Variants in SLC14A2 observed in about 807,000 individuals in gnomAD.
SLC14A2 encodes the protein solute carrier family 14 member 2.
SLC14A2 carries 91 observed loss-of-function variants against 104.6 expected under a neutral mutation model. The observed-to-expected ratio is 0.87, with a 90% CI of 0.73 to 1.04. The LOEUF is 1.04. Among genes scored for constraint, SLC14A2 ranks in the 50% least tolerant of loss-of-function variants. The pLI is 0.00. For synonymous variants in SLC14A2, 476 were observed against 466.4 expected (o/e 1.02, Z -0.27); for missense variants, 1,189 against 1,156.0 (o/e 1.03, Z -0.41).
chr18:45,459,281 C>T (rs1185317418), intron 1 of SLC14A2, among the ~76,000 whole-genome samples: 2 of 152,164 alleles, frequency 1.3e-5, no homozygotes, highest in Non-Finnish European at 2.9e-5. Flanking sequence ...AGCAAGAGTG[C>T]CCCGGCAACT....
At chr18:45,291,269 T>G (rs922902228) in intron 1 of SLC14A2, among the ~76,000 whole-genome samples, 1 of 152,098 alleles carries the variant, frequency 6.6e-6, no homozygotes, top group Admixed American at 6.5e-5. Flanking sequence ...ATTGGGAGAC[T>G]ACTTCTCAGA....
At chr18:45,533,284 T>C (rs1340001841) in intron 2 of SLC14A2, among the ~76,000 whole-genome samples, 1 of 152,242 alleles carries the variant, frequency 6.6e-6, no homozygotes, top group Non-Finnish European at 1.5e-5. Context: ...TACCAGCTCC[T>C]CCTTGTACCT....
chr18:45,184,514 T>A, the SLC14A2 span, among the ~76,000 whole-genome samples: 5 of 152,210 alleles, frequency 3.3e-5, no homozygotes, highest in African/African-American at 9.6e-5. Context: ...TAAAGTTAGA[T>A]CCTTGTCTCA....
the SLC14A2 span, among the ~76,000 whole-genome samples, chr18:45,192,661 T>TGTTTTGTTTTGTTTC: frequency 4.6e-5 from 7 of 151,470 alleles, no homozygotes; most frequent in Non-Finnish European, 1.0e-4. Context: ...TGTTTTGTTT[T>TGTTTTGTTTTGTTTC]GTTTTGTTTT....
At position 45,500,590 on chromosome 18, in the gene SLC14A2, A is replaced by AG. The variant is rs1307803548; in HGVS notation, c.-35+17268_-35+17269insG. Among the ~76,000 whole-genome samples, 8 of 144,754 alleles carry AG rather than the reference A, an allele frequency of 5.5e-5. No individual in the cohort carries two copies. In the East Asian group the frequency reaches 5.9e-4, roughly 11 times the overall value. The allele number at this position is 144,754 out of a possible 152,430, so 95.0% of individuals were successfully genotyped here. A position where few individuals can be genotyped will look rare whatever the true frequency, so the allele number is the denominator to read the frequency against. On this transcript the variant is annotated intron_variant, in intron 2 of 20. Coordinates refer to the SLC14A2 transcript ENST00000586448. ...AGACTCCGTCTCAAAAAAAAAAAAA[A>AG]AAAAAAGAAATCCTGCCCTTATCCT...
intron 1 of SLC14A2, among the ~76,000 whole-genome samples, chr18:45,281,025 C>A (rs932207285): frequency 2.0e-5 from 3 of 152,134 alleles, no homozygotes; most frequent in East Asian, 1.9e-4. Flanking sequence ...ACCAAGCAGC[C>A]CCTCTTTGGC....
At position 45,666,935 on chromosome 18, in the gene SLC14A2, G is replaced by T; in HGVS notation, c.1558G>T (p.Asp520Tyr). 5.0e-6 allele frequency: 8 copies of T among 1,613,786 alleles called. No individual in the cohort carries two copies. The highest frequency in any genetic ancestry group is 6.8e-6 in the Non-Finnish European group (8 of 1,179,750). The change falls in exon 13 of 20, where the codon GAT becomes TAT. Residue 520 changes from aspartate (D) to tyrosine (Y), a missense_variant and splice_region_variant. Physicochemically the swap from Asp to Tyr is radical, Grantham distance 160. Coordinates refer to ENST00000255226, the MANE Select transcript of SLC14A2 (RefSeq NM_007163.4). ...TCTTGCCTATCTCTGTCCTGGACAGGATCTGGACACCATGGAGGAGAGCTC... is the reference window on the plus strand; with the variant it reads ...TCTTGCCTATCTCTGTCCTGGACAGTATCTGGACACCATGGAGGAGAGCTC... ...RYRKPTVELL[D>Y]LDTMEESSEI...
chr18:45,174,822 C>G, the SLC14A2 span, among the ~76,000 whole-genome samples: 2 of 151,994 alleles, frequency 1.3e-5, no homozygotes, highest in African/African-American at 2.4e-5. Flanking sequence ...TGCATATGAA[C>G]AGAGAGCTAA....
chr18:45,678,870 A>C, intron 18 of SLC14A2, 105 bp from the exon 19 acceptor site: 1 of 1,038,556 alleles, frequency 9.6e-7, no homozygotes, highest in Non-Finnish European at 1.4e-6. Flanking sequence ...TCTTAGAGAT[A>C]GCATTTGTGG....
At chr18:45,457,294 C>T (rs2086960926) in intron 1 of SLC14A2, among the ~76,000 whole-genome samples, 1 of 152,084 alleles carries the variant, frequency 6.6e-6, no homozygotes, top group Non-Finnish European at 1.5e-5. Flanking sequence ...ACAATGGTTC[C>T]TGAAAGCCCC....
At chr18:45,468,886 C>T (rs542879975) in intron 1 of SLC14A2, among the ~76,000 whole-genome samples, 1 of 152,290 alleles carries the variant, frequency 6.6e-6, no homozygotes, top group Non-Finnish European at 1.5e-5. Flanking sequence ...AGAAGAAGCA[C>T]AAGACATAAT....
At chr18:45,384,778 T>C (rs977600914) in intron 1 of SLC14A2, among the ~76,000 whole-genome samples, 1 of 152,176 alleles carries the variant, frequency 6.6e-6, no homozygotes, top group Non-Finnish European at 1.5e-5. Context: ...CAGGAGGGTA[T>C]GTGTATGTGT....
chr18:45,655,490 T>G (rs1350173120), intron 10 of SLC14A2, among the ~76,000 whole-genome samples: 1 of 152,218 alleles, frequency 6.6e-6, no homozygotes, highest in Non-Finnish European at 1.5e-5. Flanking sequence ...TGTGGCTACA[T>G]TTACTCTAAA....
chr18:45,192,630 G>GGTTT, the SLC14A2 span, among the ~76,000 whole-genome samples: 4 of 128,358 alleles, frequency 3.1e-5, no homozygotes, highest in Non-Finnish European at 5.5e-5. Context: ...GTGTGTGTGT[G>GGTTT]TGTGTGGTTT....
Position 45,382,316 on chromosome 18 carries a change from A to G in SLC14A2, c.-124-100917A>G, listed in dbSNP as rs1288707519. Among the ~76,000 whole-genome samples, 20 of 139,866 alleles carry G rather than the reference A, an allele frequency of 1.4e-4. No homozygotes were observed. In the Admixed American group the frequency reaches 1.5e-3, roughly 10 times the overall value. 91.8% of individuals were successfully genotyped at this position (139,866 alleles called of 152,430 possible). A position where few individuals can be genotyped will look rare whatever the true frequency, so the allele number is the denominator to read the frequency against. On this transcript the variant is annotated intron_variant, in intron 1 of 20. Coordinates refer to the SLC14A2 transcript ENST00000586448. The stretch of plus-strand genomic sequence containing the variant: ...TAGGGAGGAACTTAATATAAGCTCT[A>G]GTTTCACAGAGCTTAGACTTTTACA...
chr18:45,418,943 G>A (rs992173695), intron 1 of SLC14A2, among the ~76,000 whole-genome samples: 1 of 152,136 alleles, frequency 6.6e-6, no homozygotes, highest in African/African-American at 2.4e-5. Flanking sequence ...CCATGGCTTA[G>A]CAATCAGAGG....
intron 1 of SLC14A2, among the ~76,000 whole-genome samples, chr18:45,341,869 C>A (rs564009975): frequency 6.6e-6 from 1 of 151,990 alleles, no homozygotes; most frequent in African/African-American, 2.4e-5. Context: ...ATTACAGGCA[C>A]GAGCCACCAC....
At chr18:45,250,977 G>A (rs2084417201) in intron 1 of SLC14A2, among the ~76,000 whole-genome samples, 1 of 152,054 alleles carries the variant, frequency 6.6e-6, no homozygotes, top group Admixed American at 6.5e-5. Context: ...AGAGAAATCA[G>A]GTTGAGAAAA....
intron 2 of SLC14A2, among the ~76,000 whole-genome samples, chr18:45,518,744 A>C (rs1341389108): frequency 1.3e-5 from 2 of 152,146 alleles, no homozygotes; most frequent in African/African-American, 4.8e-5. Flanking sequence ...ACTAAAATTG[A>C]ATTTTTTTTC....
Sources: gnomAD v4.1 joint callset for allele counts (sites outside exome capture counted in the v4.1 genomes callset) on GRCh38, gnomAD v4.1.1 for gene constraint, MANE v1.5 for transcripts, NCBI Gene and HGNC (gene_info 2026-07-23, HGNC 2026-07-21) for gene names.